CBLB: variants seen among roughly 807,000 people sequenced by gnomAD.
CBLB encodes E3 ubiquitin-protein ligase CBL-B.
A neutral mutation model predicts 104.9 loss-of-function variants in CBLB; 31 were observed. The ratio of observed to expected loss-of-function variants is 0.30; its 90% CI spans 0.22 to 0.40. The LOEUF is 0.40. Among genes scored for constraint, CBLB ranks in the 10% least tolerant of loss-of-function variants. CBLB has a pLI of 1.00. For synonymous variants in CBLB, 440 were observed against 422.6 expected, an observed-to-expected ratio of 1.04 and a Z score of -0.51; for missense variants, 1,062 against 1,214.6, an observed-to-expected ratio of 0.87 and a Z score of 1.87.
intron 4 of CBLB, among the ~76,000 whole-genome samples, chr3:105,771,950 C>T (rs909180230): frequency 6.7e-6 from 1 of 149,072 alleles, no homozygotes; most frequent in South Asian, 2.1e-4. Flanking sequence ...GACCACACTG[C>T]TCAAAGCAAT....
intron 4 of CBLB, among the ~76,000 whole-genome samples, chr3:105,772,577 A>T (rs972070314): frequency 1.3e-5 from 2 of 152,230 alleles, no homozygotes; most frequent in Admixed American, 6.5e-5. Flanking sequence ...GAGTAAACAG[A>T]CAACTCACAC....
At chr3:105,709,785 G>A (rs1021061715) in intron 10 of CBLB, among the ~76,000 whole-genome samples, 3 of 151,822 alleles carry the variant, frequency 2.0e-5, no homozygotes, top group Admixed American at 1.3e-4. Context: ...ACATGTAACC[G>A]TGTCGAATTT....
At chr3:105,841,432 T>A (rs1468867040) in intron 3 of CBLB, among the ~76,000 whole-genome samples, 1 of 151,966 alleles carries the variant, frequency 6.6e-6, no homozygotes, top group Non-Finnish European at 1.5e-5. Flanking sequence ...TTGTTATATA[T>A]ATTAAAATGG....
chr3:105,867,262 AAC>A, intron 2 of CBLB, 146 bp downstream of exon 2: 4 of 884,614 alleles, frequency 4.5e-6, no homozygotes, highest in Middle Eastern at 3.5e-4. Flanking sequence ...CTTTTCAAAA[AAC>A]ACAGAGTTGA....
At chr3:105,711,906 C>A (rs1035137467) in intron 10 of CBLB, among the ~76,000 whole-genome samples, 2 of 151,970 alleles carry the variant, frequency 1.3e-5, no homozygotes, top group Non-Finnish European at 2.9e-5. Flanking sequence ...AATAAAGAAG[C>A]GGAGGAAAAC....
Position 105,842,394 on chromosome 3 carries a change from A to G in CBLB, c.419+11020T>C, listed in dbSNP as rs2089677668. Among the ~76,000 whole-genome samples the G allele has an allele frequency of 3.3e-5, 5 of 152,328 alleles. 1 individual carries two copies. In the South Asian group the frequency reaches 1.0e-3, roughly 32 times the overall value. ...GAAATATGCCTTAAAGCCAAGTTAT[A>G]CCATGTTTAAATGAAGAGTGTCTGT... is the stretch of plus-strand genomic sequence containing the variant. On this transcript the variant is annotated intron_variant, in intron 3 of 18. Transcript: ENST00000394030.
intron 1 of CBLB, chr3:105,868,388 C>G: frequency 2.3e-6 from 1 of 425,826 alleles, no homozygotes; most frequent in Non-Finnish European, 3.9e-6. Flanking sequence ...CCCCTCGGGT[C>G]TGAGCTGCAG....
At chr3:105,715,363 T>C (rs1192455381) in intron 10 of CBLB, among the ~76,000 whole-genome samples, 1 of 152,232 alleles carries the variant, frequency 6.6e-6, no homozygotes, top group Non-Finnish European at 1.5e-5. Context: ...TCAAAAAGTA[T>C]GTATTATAGA....
At chr3:105,665,516 A>T (rs546915507) in intron 18 of CBLB, among the ~76,000 whole-genome samples, 1 of 146,824 alleles carries the variant, frequency 6.8e-6, no homozygotes, top group South Asian at 2.1e-4. Context: ...AAATAAAATT[A>T]TATCTATTTC....
At position 105,702,189 on chromosome 3, in the gene CBLB, T is replaced by G. The variant is rs765616072; in HGVS notation, c.1864A>C (p.Ser622Arg). ...CTGTGCCTTCCATTGACATTTGAAC[T>G]CGCTGTGATTCCAGGTTTTGGAGAG... Reference protein sequence around the residue: ...EGSPKPGITASSNVNGRHSRV... With the variant: ...EGSPKPGITARSNVNGRHSRV... Residue 622 changes from serine to arginine, a missense_variant, in exon 12 of 19, where the codon AGT becomes CGT. This residue lies in a region of CBLB where 605 missense variants were observed against 582.6 expected (regional missense o/e 1.04). Coordinates refer to ENST00000394030, the MANE Select transcript of CBLB (RefSeq NM_170662.5). 1 of 1,614,146 alleles carries G rather than the reference T, an allele frequency of 6.2e-7. No individual in the cohort carries two copies. Among genetic ancestry groups the G allele is most frequent in the South Asian group, 1.1e-5 (1 of 91,074 alleles).
chr3:105,736,352 T>C (rs117275247), intron 8 of CBLB, among the ~76,000 whole-genome samples: 3,408 of 152,258 alleles, frequency 0.022, 90 homozygotes, highest in East Asian at 0.12. Flanking sequence ...TAATTAATTA[T>C]TTCCTTACAG....
At chr3:105,682,129 T>C (rs1030335046) in intron 14 of CBLB, 2 of 276,720 alleles carry the variant, frequency 7.2e-6, no homozygotes, top group Non-Finnish European at 1.4e-5. Context: ...CAATAGAACC[T>C]GGTCAAGTTT....
At chr3:105,754,523 CAGAGAGAGAGAGAG>C (rs1207514486) in intron 4 of CBLB, among the ~76,000 whole-genome samples, 2 of 102,758 alleles carry the variant, frequency 1.9e-5, no homozygotes, top group African/African-American at 7.7e-5. Context: ...GAGAGAGAGA[CAGAGAGAGAGAGAG>C]AGAGAGAGAG....
intron 10 of CBLB, among the ~76,000 whole-genome samples, chr3:105,709,310 G>A (rs114655744): frequency 0.011 from 1,693 of 151,808 alleles, 14 homozygotes; most frequent in Non-Finnish European, 0.017. Context: ...TAAATTTAGG[G>A]GTATGCATGT....
At chr3:105,862,299 T>C (rs1016143622) in intron 2 of CBLB, among the ~76,000 whole-genome samples, 9 of 152,218 alleles carry the variant, frequency 5.9e-5, no homozygotes, top group African/African-American at 1.9e-4. Context: ...ACACTGAACT[T>C]AGCATGGCCA....
Position 105,740,645 on chromosome 3 carries a change from G to T in CBLB, c.846-14C>A. ...CGGAAAATATAGCTGCAAAACATAA[G>T]AAAATTACATCTAATTACATTCAGA... is the stretch of plus-strand genomic sequence containing the variant. On this transcript the variant is annotated splice_polypyrimidine_tract_variant and intron_variant, in intron 6 of 18. Transcript: ENST00000394030. 6.2e-7 allele frequency: 1 copy of T among 1,607,924 alleles called. No individual in the cohort carries two copies. The highest frequency in any genetic ancestry group is 8.5e-7 in the Non-Finnish European group (1 of 1,174,660).
At chr3:105,790,131 G>A (rs1263681145) in intron 3 of CBLB, among the ~76,000 whole-genome samples, 4 of 151,968 alleles carry the variant, frequency 2.6e-5, no homozygotes, top group Non-Finnish European at 5.9e-5. Flanking sequence ...TTATTTTGTC[G>A]TAATAAAAAT....
intron 3 of CBLB, among the ~76,000 whole-genome samples, chr3:105,837,961 T>TA (rs1221377411): frequency 1.3e-5 from 2 of 152,140 alleles, no homozygotes; most frequent in Admixed American, 1.3e-4. Flanking sequence ...AATCATCCTA[T>TA]AGTAATTCTA....
intron 5 of CBLB, 41 bp downstream of exon 5, chr3:105,751,421 G>C (rs376992804): frequency 1.7e-4 from 235 of 1,416,922 alleles, no homozygotes; most frequent in Middle Eastern, 1.8e-4. Context: ...GACAGGGAGA[G>C]AGAAGAAGGG....
Sources: gnomAD v4.1 joint callset for allele counts (sites outside exome capture counted in the v4.1 genomes callset) on GRCh38, gnomAD v4.1.1 for gene constraint, gnomAD v4.1.1 regional missense constraint, MANE v1.5 for transcripts, NCBI Gene and HGNC (gene_info 2026-07-23, HGNC 2026-07-21) for gene names.